The following CACNA1D variants were observed in gnomAD, a reference collection of about 807,000 sequenced individuals.
CACNA1D encodes calcium voltage-gated channel subunit alpha1 D.
In CACNA1D, 55 loss-of-function variants were observed where a neutral mutation model predicts 257.1. That is an observed-to-expected ratio of 0.21 (90% CI 0.17 to 0.27). The LOEUF is 0.27. Among genes scored for constraint, CACNA1D ranks in the 10% least tolerant of loss-of-function variants. The pLI is 1.00. For synonymous variants in CACNA1D, 980 were observed against 1,014.9 expected (o/e 0.97, Z 0.65); for missense variants, 1,876 against 2,784.0 (o/e 0.67, Z 7.34).
intron 3 of CACNA1D, among the ~76,000 whole-genome samples, chr3:53,518,141 A>G (rs1367308439): frequency 6.6e-6 from 1 of 152,152 alleles, no homozygotes; most frequent in Admixed American, 6.5e-5. Context: ...TCGGGTGCTG[A>G]AGCTGGGGAG....
intron 39 of CACNA1D, chr3:53,782,264 G>GTATATATATATATATA (rs1553680730): frequency 0.011 from 861 of 75,378 alleles, 23 homozygotes; most frequent in East Asian, 0.033. Flanking sequence ...GTGTGTGTGT[G>GTATATATATATATATA]TATATATATA....
intron 3 of CACNA1D, among the ~76,000 whole-genome samples, chr3:53,540,203 C>G (rs879523599): frequency 2.0e-5 from 3 of 151,984 alleles, no homozygotes; most frequent in African/African-American, 7.3e-5. Context: ...ACTGTAACCT[C>G]TACCTCCCAG....
chr3:53,633,117 A>G (rs1576167977), intron 3 of CACNA1D, among the ~76,000 whole-genome samples: 1 of 152,264 alleles, frequency 6.6e-6, no homozygotes, highest in South Asian at 2.1e-4. Flanking sequence ...CTGTATAATA[A>G]TAACTATTGT....
chr3:53,804,919 C>T, intron 44 of CACNA1D, 64 bp from the exon 45 acceptor site: 1 of 1,461,984 alleles, frequency 6.8e-7, no homozygotes, highest in Non-Finnish European at 9.6e-7. Context: ...GGATGTCAGT[C>T]TGGCAGGGTT....
intron 3 of CACNA1D, among the ~76,000 whole-genome samples, chr3:53,522,614 T>G (rs2091621942): frequency 6.6e-6 from 1 of 152,232 alleles, no homozygotes; most frequent in Non-Finnish European, 1.5e-5. Context: ...CTCTTTGGAC[T>G]AGGGGAAGAT....
At chr3:53,805,961 C>CCCCT (rs2095562401) in intron 45 of CACNA1D, among the ~76,000 whole-genome samples, 1 of 139,368 alleles carries the variant, frequency 7.2e-6, no homozygotes. Context: ...TTCCCTCCTC[C>CCCCT]TCCCTCCCTC....
intron 3 of CACNA1D, among the ~76,000 whole-genome samples, chr3:53,609,475 G>C (rs897613286): frequency 6.7e-6 from 1 of 148,772 alleles, no homozygotes; most frequent in Admixed American, 6.7e-5. Flanking sequence ...CAGATTTTCT[G>C]TTTCTCTTCA....
chr3:53,666,238 G>A (rs1341835590), intron 6 of CACNA1D, 101 bp from the exon 7 acceptor site: 9 of 1,069,470 alleles, frequency 8.4e-6, no homozygotes, highest in African/African-American at 1.6e-5. Context: ...AGATGGGGCG[G>A]TAGGGTGTCC....
intron 3 of CACNA1D, among the ~76,000 whole-genome samples, chr3:53,556,285 T>C (rs1011768901): frequency 5.3e-5 from 8 of 152,202 alleles, no homozygotes; most frequent in African/African-American, 1.9e-4. Context: ...CGTAAATACC[T>C]AGGAGTGGAA....
chr3:53,791,193 G>A (rs964439915), intron 40 of CACNA1D: 47 of 588,450 alleles, frequency 8.0e-5, no homozygotes, highest in South Asian at 6.3e-4. Context: ...AGGTGGAAGC[G>A]GGGCCGTGGC....
chr3:53,602,793 G>A lies in CACNA1D; in HGVS notation c.484-47986G>A, dbSNP rs369311110. Reference sequence around the variant, plus strand: ...AGATCTTTTGCCCATTTTTTAAATTGGGCTTTTTTTTCCCCCTATTGAGTT... The same window carrying A: ...AGATCTTTTGCCCATTTTTTAAATTAGGCTTTTTTTTCCCCCTATTGAGTT... On this transcript the variant is annotated intron_variant, in intron 3 of 47. Coordinates refer to ENST00000350061, the MANE Select transcript of CACNA1D (RefSeq NM_001128840.3). Among the ~76,000 whole-genome samples, 9 of 152,128 alleles carry A rather than the reference G, an allele frequency of 5.9e-5. 1 individual carries two copies. Among genetic ancestry groups the A allele is most frequent in the African/African-American group, 2.2e-4 (9 of 41,480 alleles).
chr3:53,764,116 T>G (rs971045278), intron 30 of CACNA1D, among the ~76,000 whole-genome samples: 1 of 152,206 alleles, frequency 6.6e-6, no homozygotes, highest in African/African-American at 2.4e-5. Context: ...TATACACATA[T>G]TCCAACTTCT....
At chr3:53,655,058 A>C (rs1402790652) in intron 4 of CACNA1D, among the ~76,000 whole-genome samples, 1 of 152,134 alleles carries the variant, frequency 6.6e-6, no homozygotes, top group African/African-American at 2.4e-5. Context: ...TATAAGTGAG[A>C]ACGTGTGGTA....
At chr3:53,651,019 G>A in intron 4 of CACNA1D, 101 bp downstream of exon 4, 6 of 1,061,606 alleles carry the variant, frequency 5.7e-6, no homozygotes, top group Non-Finnish European at 7.3e-6. Context: ...GAATGTGGTT[G>A]CTCTTTTATG....
At chr3:53,699,825 G>A (rs1012331883) in intron 8 of CACNA1D, among the ~76,000 whole-genome samples, 7 of 151,992 alleles carry the variant, frequency 4.6e-5, no homozygotes, top group African/African-American at 1.5e-4. Context: ...GACTTGGCAG[G>A]GTTTTTTACT....
At chr3:53,719,255 A>G (rs893511763) in intron 10 of CACNA1D, among the ~76,000 whole-genome samples, 7 of 152,358 alleles carry the variant, frequency 4.6e-5, no homozygotes, top group African/African-American at 1.2e-4. Flanking sequence ...TTTTGCCTCC[A>G]TTCTCTTGCT....
At chr3:53,693,233 C>T (rs2094544179) in intron 8 of CACNA1D, among the ~76,000 whole-genome samples, 2 of 152,266 alleles carry the variant, frequency 1.3e-5, no homozygotes, top group South Asian at 4.2e-4. Flanking sequence ...CCCCCACAGA[C>T]ATTACCTGCA....
In CACNA1D at chr3:53,800,809, A is replaced by G. The variant is rs2095532665; in HGVS notation, c.5041-249A>G. The G allele has an allele frequency of 1.7e-6, 1 of 582,244 alleles. No homozygotes were observed. The highest frequency in any genetic ancestry group is 1.9e-5 in the African/African-American group (1 of 53,520). 36.1% of individuals were successfully genotyped at this position (582,244 alleles called of 1,614,324 possible). A position where few individuals can be genotyped will look rare whatever the true frequency, so the allele number is the denominator to read the frequency against. ...GTCACCCCAACTTGGAGCAACTGGA[A>G]GAGCACACTCGAGTGACAGCCGACA... On this transcript the variant is annotated intron_variant, in intron 41 of 47. Coordinates refer to ENST00000350061, the MANE Select transcript of CACNA1D (RefSeq NM_001128840.3). This position sits in a 1 kb window ranked among gnomAD's most constrained non-coding sequence, Gnocchi z 4.3.
chr3:53,803,693 C>T, intron 44 of CACNA1D, 121 bp downstream of exon 44: 1 of 886,232 alleles, frequency 1.1e-6, no homozygotes, highest in Non-Finnish European at 1.9e-6. Flanking sequence ...AAAATGGGAG[C>T]AGAAACTCCA....
Sources: allele counts gnomAD v4.1 joint callset (sites outside exome capture counted in the v4.1 genomes callset), GRCh38; gene constraint gnomAD v4.1.1; non-coding constraint Gnocchi (gnomAD v3.1); transcripts MANE v1.5; gene names NCBI Gene and HGNC (gene_info 2026-07-23, HGNC 2026-07-21).